DOCK3: variants seen among roughly 807,000 people sequenced by gnomAD.
DOCK3 encodes dedicator of cytokinesis 3.
Under a neutral mutation model 265.6 loss-of-function variants are expected in DOCK3, and 60 were observed. The ratio of observed to expected loss-of-function variants is 0.23; its 90% CI spans 0.18 to 0.28. The LOEUF is 0.28. Ranked by LOEUF, DOCK3 falls within the 10% of genes least tolerant of loss-of-function variation. The pLI is 1.00. For missense variants in DOCK3, 1,981 were observed against 2,594.3 expected, an observed-to-expected ratio of 0.76 and a Z score of 5.14; for synonymous variants, 881 against 938.0, an observed-to-expected ratio of 0.94 and a Z score of 1.11.
chr3:50,733,221 T>C (rs1368980115), intron 1 of DOCK3, among the ~76,000 whole-genome samples: 1 of 152,210 alleles, frequency 6.6e-6, no homozygotes, highest in Non-Finnish European at 1.5e-5. Flanking sequence ...ATGGGATGTT[T>C]TGTATGTCTC....
At chr3:51,153,229 G>C (rs1265518917) in intron 10 of DOCK3, among the ~76,000 whole-genome samples, 4 of 152,224 alleles carry the variant, frequency 2.6e-5, no homozygotes. Flanking sequence ...TGCCCGCTAC[G>C]CTGCTGCCTC....
chr3:51,236,104 A>G (rs537695878), intron 19 of DOCK3, among the ~76,000 whole-genome samples: 1 of 152,324 alleles, frequency 6.6e-6, no homozygotes, highest in East Asian at 1.9e-4. Flanking sequence ...CTCACCCAAC[A>G]GGAAGAGCCT....
intron 9 of DOCK3, among the ~76,000 whole-genome samples, chr3:51,095,299 G>A (rs373155874): frequency 6.6e-6 from 1 of 152,238 alleles, no homozygotes; most frequent in African/African-American, 2.4e-5. Context: ...GGCTGATACT[G>A]GTTTTTCCTT....
intron 23 of DOCK3, among the ~76,000 whole-genome samples, chr3:51,261,391 C>T (rs747478301): frequency 2.6e-4 from 40 of 152,308 alleles, no homozygotes; most frequent in Middle Eastern, 3.4e-3. Context: ...CCAGATACTA[C>T]GCTTTTCCCA....
At chr3:51,053,118 T>TATAGATAGATAGATAGATAGATAG (rs2081068982) in intron 5 of DOCK3, among the ~76,000 whole-genome samples, 1 of 121,658 alleles carries the variant, frequency 8.2e-6, no homozygotes, top group African/African-American at 3.0e-5. Flanking sequence ...TATATATATA[T>TATAGATAGATAGATAGATAGATAG]ATATGGATTT....
At chr3:51,223,569 T>A (rs1019038115) in intron 14 of DOCK3, among the ~76,000 whole-genome samples, 1 of 152,024 alleles carries the variant, frequency 6.6e-6, no homozygotes, top group African/African-American at 2.4e-5. Context: ...ATAAAAAAAA[T>A]CTAGACTATT....
At chr3:51,161,405 C>G (rs1162203051) in intron 12 of DOCK3, among the ~76,000 whole-genome samples, 1 of 151,286 alleles carries the variant, frequency 6.6e-6, no homozygotes, top group Admixed American at 6.6e-5. Flanking sequence ...GATCATGCCA[C>G]TGCACTCCAG....
intron 5 of DOCK3, among the ~76,000 whole-genome samples, chr3:50,978,667 C>T (rs931294250): frequency 6.6e-6 from 1 of 152,204 alleles, no homozygotes. Context: ...CTGTGGTGGG[C>T]TCCACCCAGT....
chr3:51,376,735 A>G (rs2088170712), intron 51 of DOCK3, among the ~76,000 whole-genome samples: 1 of 152,108 alleles, frequency 6.6e-6, no homozygotes, highest in South Asian at 2.1e-4. Flanking sequence ...TCACGTTATC[A>G]TCGTATCTGT....
chr3:51,185,307 C>G (rs893197693), intron 12 of DOCK3, among the ~76,000 whole-genome samples: 7 of 152,098 alleles, frequency 4.6e-5, no homozygotes, highest in African/African-American at 7.2e-5. Flanking sequence ...TGGGACCTCT[C>G]TATAATATCT....
chr3:50,920,487 G>A (rs2050386129), intron 4 of DOCK3, among the ~76,000 whole-genome samples: 1 of 152,186 alleles, frequency 6.6e-6, no homozygotes, highest in African/African-American at 2.4e-5. Context: ...GAGGGTGTAT[G>A]TGTCTAGGAA....
At chr3:50,919,363 G>A (rs2050306276) in intron 4 of DOCK3, among the ~76,000 whole-genome samples, 1 of 152,188 alleles carries the variant, frequency 6.6e-6, no homozygotes, top group South Asian at 2.1e-4. Context: ...CCATTTTTAC[G>A]ATATGATTCT....
At chr3:51,068,559 A>AG (rs2081710881) in intron 6 of DOCK3, among the ~76,000 whole-genome samples, 13 of 106,416 alleles carry the variant, frequency 1.2e-4, no homozygotes, top group South Asian at 3.7e-4. Context: ...AAAAAAAAAA[A>AG]AAAGAAGAAG....
intron 25 of DOCK3, among the ~76,000 whole-genome samples, chr3:51,277,342 T>C (rs1303242441): frequency 6.6e-6 from 1 of 152,212 alleles, no homozygotes; most frequent in Non-Finnish European, 1.5e-5. Flanking sequence ...TCAAAATTAA[T>C]GTATCTGCTT....
intron 5 of DOCK3, among the ~76,000 whole-genome samples, chr3:51,036,996 C>T (rs1234874009): frequency 6.6e-6 from 1 of 152,144 alleles, no homozygotes; most frequent in Non-Finnish European, 1.5e-5. Flanking sequence ...ACTGTAAGTC[C>T]ATTAAACCTC....
Position 51,089,235 on chromosome 3 carries a change from T to A in DOCK3, c.550-8T>A, listed in dbSNP as rs995333150. 3 of 1,604,792 alleles carry A rather than the reference T, an allele frequency of 1.9e-6. No homozygotes were observed. The highest frequency in any genetic ancestry group is 3.4e-5 in the Admixed American group (2 of 58,674). ...GTAGAGTTTATTTTTCTTTCCTTCT[T>A]TCCATAGCATTTATCTAGCCGGCAG... On this transcript the variant is annotated splice_region_variant and splice_polypyrimidine_tract_variant and intron_variant, in intron 7 of 52. Transcript: ENST00000266037.
intron 12 of DOCK3, among the ~76,000 whole-genome samples, chr3:51,174,323 G>A (rs1315929352): frequency 6.6e-6 from 1 of 152,034 alleles, no homozygotes; most frequent in East Asian, 1.9e-4. Flanking sequence ...ACAAAAATTA[G>A]CCAGGTGTGG....
At chr3:50,992,556 C>T (rs931484445) in intron 5 of DOCK3, among the ~76,000 whole-genome samples, 1 of 152,234 alleles carries the variant, frequency 6.6e-6, no homozygotes. Flanking sequence ...CTCAGCCTCC[C>T]AAAGTGCTGG....
intron 38 of DOCK3, among the ~76,000 whole-genome samples, chr3:51,348,641 A>G (rs1007889682): frequency 3.3e-5 from 5 of 152,238 alleles, no homozygotes; most frequent in Non-Finnish European, 7.3e-5. Context: ...AGGTGGAGAC[A>G]TTTGAGCAGA....
Sources: allele counts gnomAD v4.1 joint callset (sites outside exome capture counted in the v4.1 genomes callset), GRCh38; gene constraint gnomAD v4.1.1; transcripts MANE v1.5; gene names NCBI Gene and HGNC (gene_info 2026-07-23, HGNC 2026-07-21).